Variants in FOXO3 observed in about 807,000 individuals in gnomAD.
The protein encoded by FOXO3 is forkhead box protein O3.
FOXO3 carries 4 observed loss-of-function variants against 41.9 expected under a neutral mutation model. The observed-to-expected ratio is 0.10, with a 90% confidence interval of 0.05 to 0.22. The LOEUF is 0.22. Ranked by LOEUF, FOXO3 falls within the 10% of genes least tolerant of loss-of-function variation. The probability of loss-of-function intolerance (pLI) is 1.00; values close to 1 mark genes in which losing one functional copy is unlikely to be tolerated. For synonymous variants in FOXO3, 318 were observed against 389.3 expected (o/e 0.82, Z 2.16); for missense variants, 534 against 906.8 (o/e 0.59, Z 5.28).
chr6:108,588,422 G>A (rs1442642745), intron 1 of FOXO3, among the ~76,000 whole-genome samples: 1 of 151,924 alleles, frequency 6.6e-6, no homozygotes, highest in Non-Finnish European at 1.5e-5. Context: ...TGTTTAATGA[G>A]CTTTTACATT....
chr6:108,634,150 A>G (rs1778050923), intron 1 of FOXO3, among the ~76,000 whole-genome samples: 1 of 152,182 alleles, frequency 6.6e-6, no homozygotes, highest in African/African-American at 2.4e-5. Context: ...CATCTGTAAA[A>G]TGAGTTAATT....
chr6:108,599,528 G>T (rs1194610120), intron 1 of FOXO3, among the ~76,000 whole-genome samples: 1 of 152,188 alleles, frequency 6.6e-6, no homozygotes, highest in African/African-American at 2.4e-5. Flanking sequence ...CTCAGTGAGA[G>T]GGTTGTGTTT....
intron 1 of FOXO3, among the ~76,000 whole-genome samples, chr6:108,653,033 G>A (rs1778588256): frequency 6.6e-6 from 1 of 152,256 alleles, no homozygotes; most frequent in East Asian, 1.9e-4. Context: ...AAGCCTACTT[G>A]TTGGTATATA....
At chr6:108,574,179 TTAGCGCGTACCTGG>T (rs2128358010) in intron 1 of FOXO3, among the ~76,000 whole-genome samples, 1 of 149,264 alleles carries the variant, frequency 6.7e-6, no homozygotes, top group Non-Finnish European at 1.5e-5. Context: ...AAAAGAAGAA[TTAGCGCGTACCTGG>T]GTCTTTAATG....
chr6:108,648,644 T>G (rs1380251556), intron 1 of FOXO3, among the ~76,000 whole-genome samples: 3 of 152,106 alleles, frequency 2.0e-5, no homozygotes, highest in Non-Finnish European at 4.4e-5. Flanking sequence ...TTGCCCAATT[T>G]TATCTTTCAT....
At chr6:108,606,207 A>C (rs1777195826) in intron 1 of FOXO3, among the ~76,000 whole-genome samples, 1 of 152,202 alleles carries the variant, frequency 6.6e-6, no homozygotes, top group Non-Finnish European at 1.5e-5. Flanking sequence ...TGTTGTAAAT[A>C]ATGTTCTTGT....
intron 1 of FOXO3, among the ~76,000 whole-genome samples, chr6:108,585,022 CTTTTT>C (rs1159028928): frequency 9.7e-5 from 5 of 51,528 alleles, no homozygotes; most frequent in Admixed American, 3.6e-4. Flanking sequence ...TCTCCAAAAT[CTTTTT>C]TTTTTTTTTT....
intron 2 of FOXO3, among the ~76,000 whole-genome samples, chr6:108,674,976 C>A (rs955725065): frequency 1.3e-5 from 2 of 152,114 alleles, no homozygotes; most frequent in Admixed American, 1.3e-4. Flanking sequence ...ATCTCTGCAA[C>A]TTTGCTATTG....
rs1190016429 is a variant in FOXO3 at position 108,664,588 on chromosome 6, C to T, written c.1755C>T (p.Asp585=). 8.0e-6 allele frequency: 8 copies of T among 998,890 alleles called. No homozygotes were observed. The highest frequency in any genetic ancestry group is 1.3e-5 in the Non-Finnish European group (8 of 626,872). 61.9% of individuals were successfully genotyped at this position (998,890 alleles called of 1,614,324 possible). The change falls in exon 2 of 3, where the codon GAC becomes GAT. Residue 585 remains aspartate (D), a synonymous_variant. Coordinates refer to ENST00000406360, the MANE Select transcript of FOXO3 (RefSeq NM_001455.4). ...GCCAGTCTATGCAAACCCTCTCGGA[C>T]TCTCTCTCAGGCTCCTCCTTGTACT... ...PVSQSMQTLS[D]SLSGSSLYST... is the part of the protein sequence containing the mutation.
chr6:108,641,990 T>C (rs772573891), intron 1 of FOXO3, among the ~76,000 whole-genome samples: 6 of 152,072 alleles, frequency 3.9e-5, no homozygotes, highest in Non-Finnish European at 5.9e-5. Context: ...AATGCAAGAA[T>C]GCATGAGACT....
chr6:108,603,538 TTTTAAC>T (rs1169431583), intron 1 of FOXO3, among the ~76,000 whole-genome samples: 1 of 152,202 alleles, frequency 6.6e-6, no homozygotes, highest in Non-Finnish European at 1.5e-5. Context: ...GTATTGGTGA[TTTTAAC>T]TTTAAGTGTC....
In FOXO3 at chr6:108,630,184, C is replaced by T. The variant is rs145950933; in HGVS notation, c.622-33271C>T. Among the ~76,000 whole-genome samples, 90 of 152,106 alleles carry T rather than the reference C, an allele frequency of 5.9e-4. 1 individual carries two copies. In the East Asian group the frequency reaches 0.016, roughly 27 times the overall value. On this transcript the variant is annotated intron_variant, in intron 1 of 2. Transcript: ENST00000406360. The stretch of plus-strand genomic sequence containing the variant: ...GGTGGATAAGGAAGGTTTTAGATGA[C>T]ACAAGTAATACTGGGGACAACTGTG...
At chr6:108,622,256 C>CAAA (rs984779744) in intron 1 of FOXO3, among the ~76,000 whole-genome samples, 35 of 48,362 alleles carry the variant, frequency 7.2e-4, no homozygotes, top group Middle Eastern at 0.011. Context: ...AAGACTGTCT[C>CAAA]AAAAAAAAAA....
rs1400430367 is a variant in FOXO3 at position 108,681,465 on chromosome 6, C to T, written c.*1673C>T. The T allele has an allele frequency of 2.7e-4, 41 of 151,562 alleles. 1 individual carries two copies. The highest frequency in any genetic ancestry group is 3.8e-4 in the Non-Finnish European group (26 of 67,802). The allele number at this position is 151,562 out of a possible 1,614,324, so 9.4% of individuals were successfully genotyped here. A position where few individuals can be genotyped will look rare whatever the true frequency, so the allele number is the denominator to read the frequency against. On this transcript the variant is annotated 3_prime_UTR_variant, in exon 3 of 3. Transcript: ENST00000406360. ...CAACACAGACGTGCCACCCAACCCC[C>T]TGCACACACCACCGGCCACCAGGGG... is the stretch of plus-strand genomic sequence containing the variant.
Position 108,593,712 on chromosome 6 carries a change from C to CTTTTTT in FOXO3, c.621+31900_621+31905dup, listed in dbSNP as rs34228633. 4.1e-3 allele frequency among the ~76,000 whole-genome samples: 340 copies of CTTTTTT among 83,314 alleles called. 2 individuals carry two copies. The highest frequency in any genetic ancestry group is 4.9e-3 in the Non-Finnish European group (219 of 44,742). 54.7% of individuals were successfully genotyped at this position (83,314 alleles called of 152,430 possible). On this transcript the variant is annotated intron_variant, in intron 1 of 2. Transcript: ENST00000406360. ...TGTATTTTTCTTTTCTTTTCTTCTT[C>CTTTTTT]TTTTTTTTTTTTTTTTTTTTTTGAG...
intron 2 of FOXO3, among the ~76,000 whole-genome samples, chr6:108,673,332 AC>A (rs1770416219): frequency 6.6e-6 from 1 of 152,254 alleles, no homozygotes; most frequent in African/African-American, 2.4e-5. Context: ...CACCGGGGCC[AC>A]ACACGCAGAT....
In FOXO3 at chr6:108,592,339, TG is replaced by T. The variant is rs533513122; in HGVS notation, c.621+30512del. ...AAAAGGGGTTAGAAAAGGCTGTGGTTGGAATTTTTTGTGTAACTTAAGGCCA... is the reference window on the plus strand; with the variant it reads ...AAAAGGGGTTAGAAAAGGCTGTGGTTGAATTTTTTGTGTAACTTAAGGCCA... On this transcript the variant is annotated intron_variant, in intron 1 of 2. Transcript: ENST00000406360. 9.2e-5 allele frequency among the ~76,000 whole-genome samples: 14 copies of T among 152,348 alleles called. No homozygotes were observed. In the South Asian group the frequency reaches 2.9e-3, roughly 32 times the overall value.
At chr6:108,574,665 A>AG (rs1178488524) in intron 1 of FOXO3, among the ~76,000 whole-genome samples, 1 of 152,198 alleles carries the variant, frequency 6.6e-6, no homozygotes, top group Non-Finnish European at 1.5e-5. Flanking sequence ...GTTGCTGGCC[A>AG]GGTTAGTGTT....
chr6:108,614,359 AAAT>A (rs1206149341), intron 1 of FOXO3, among the ~76,000 whole-genome samples: 2 of 152,142 alleles, frequency 1.3e-5, no homozygotes, highest in Non-Finnish European at 2.9e-5. Context: ...TTTAATTGAA[AAAT>A]AATAATTGTA....
Sources: allele counts gnomAD v4.1 joint callset (sites outside exome capture counted in the v4.1 genomes callset), GRCh38; gene constraint gnomAD v4.1.1; transcripts MANE v1.5; gene names NCBI Gene and HGNC (gene_info 2026-07-23, HGNC 2026-07-21).